Variants in VPS37C observed in about 807,000 individuals in gnomAD.
VPS37C encodes vacuolar protein sorting-associated protein 37C.
In VPS37C, 9 loss-of-function variants were observed where a neutral mutation model predicts 16.1. The observed-to-expected ratio is 0.56, with a 90% CI of 0.34 to 0.97. The LOEUF (loss-of-function observed/expected upper bound fraction) is 0.97, where lower values mean the gene tolerates loss of function less well. VPS37C is among the 50% of genes least tolerant of loss of function. The pLI, the probability that VPS37C is intolerant of heterozygous loss-of-function variation, is 0.02. For missense variants in VPS37C, 479 were observed against 472.7 expected, an observed-to-expected ratio of 1.01 and a Z score of -0.12; for synonymous variants, 207 against 206.4, an observed-to-expected ratio of 1.00 and a Z score of -0.02.
chr11:61,138,799 C>T lies in VPS37C; in HGVS notation c.31G>A (p.Glu11Lys), dbSNP rs1483186144. Residue 11 changes from glutamate to lysine, a missense_variant, in exon 2 of 5, where the codon GAG becomes AAG. Coordinates refer to ENST00000301765, the MANE Select transcript of VPS37C (RefSeq NM_017966.5). ...GAGTCATTCTGCAACTCCTCCAGCT[C>T]CTGCAGGGTCTTATCCTTCAGCGTC... METLKDKTLQELEELQNDSEA... is the reference protein window; with the variant it reads METLKDKTLQKLEELQNDSEA... 1 of 1,614,006 alleles carries T rather than the reference C, an allele frequency of 6.2e-7. No individual in the cohort carries two copies. The highest frequency in any genetic ancestry group is 1.3e-5 in the African/African-American group (1 of 74,880).
chr11:61,139,874 C>T lies in VPS37C; in HGVS notation c.-6-1039G>A, dbSNP rs61898086. On this transcript the variant is annotated intron_variant, in intron 1 of 4. Coordinates refer to ENST00000301765, the MANE Select transcript of VPS37C (RefSeq NM_017966.5). The stretch of plus-strand genomic sequence containing the variant: ...TCCTCCCACCTCAACCTCCCGATAG[C>T]TGGCACTATAGGTGTGCGTTACCAC... 3.5e-3 allele frequency among the ~76,000 whole-genome samples: 534 copies of T among 151,810 alleles called. 2 individuals are homozygous for T. Among genetic ancestry groups the T allele is most frequent in the Middle Eastern group, 6.8e-3 (2 of 294 alleles).
intron 1 of VPS37C, among the ~76,000 whole-genome samples, chr11:61,151,848 T>C (rs1853302930): frequency 6.6e-6 from 1 of 152,098 alleles, no homozygotes; most frequent in African/African-American, 2.4e-5. Context: ...AGGTAGCCGG[T>C]TTTTGAAACT....
chr11:61,141,435 T>C (rs896298509), intron 1 of VPS37C, among the ~76,000 whole-genome samples: 1 of 151,172 alleles, frequency 6.6e-6, no homozygotes, highest in African/African-American at 2.4e-5. Context: ...AGCCTGCAGA[T>C]GGCCTGGGCT....
chr11:61,136,327 C>T lies in VPS37C; in HGVS notation c.94-2120G>A, dbSNP rs188966744. Among the ~76,000 whole-genome samples the T allele has an allele frequency of 7.4e-4, 112 of 152,148 alleles. 2 individuals are homozygous for T. The highest frequency in any genetic ancestry group is 6.5e-4 in the Non-Finnish European group (44 of 67,996). ...TAGCTGGGACTACAGGCACGTGCCACCACGCCTGGCTAATTTTTGTATTTT... is the reference window on the plus strand; with the variant it reads ...TAGCTGGGACTACAGGCACGTGCCATCACGCCTGGCTAATTTTTGTATTTT... On this transcript the variant is annotated intron_variant, in intron 2 of 4. Transcript: ENST00000301765.
At chr11:61,161,040 T>A (rs1042577170) in intron 1 of VPS37C, 1 of 152,428 alleles carries the variant, frequency 6.6e-6, no homozygotes, top group African/African-American at 2.4e-5. Context: ...ATGGGCTAAT[T>A]GGCTCTAATG....
rs760125249 is a variant in VPS37C at position 61,133,257 on chromosome 11, C to T, written c.346G>A (p.Glu116Lys). The change falls in exon 4 of 5, where the codon GAG (glutamate) becomes AAG (lysine). Residue 116 changes from glutamate to lysine, a missense_variant and splice_region_variant. By Grantham distance (56) the Glu-to-Lys change is moderately conservative. Transcript: ENST00000301765. ...GGGGTGTCGCCTCGCCCTCTCACCT[C>T]GGACTCTTCTTCGATCTTCATGCCT... is the stretch of plus-strand genomic sequence containing the variant. ...VEGMKIEEES[E>K]AMAEKFLEGE... is the part of the protein sequence containing the mutation. 20 of 1,613,984 alleles carry T rather than the reference C, an allele frequency of 1.2e-5. No homozygotes were observed. The highest frequency in any genetic ancestry group is 1.6e-4 in the Middle Eastern group (1 of 6,084).
chr11:61,148,422 T>C (rs1193032027), intron 1 of VPS37C, among the ~76,000 whole-genome samples: 1 of 152,198 alleles, frequency 6.6e-6, no homozygotes, highest in Non-Finnish European at 1.5e-5. Flanking sequence ...TTACCCCGTA[T>C]GTCAGAAACA....
At chr11:61,151,681 C>A (rs1853300759) in intron 1 of VPS37C, among the ~76,000 whole-genome samples, 1 of 152,186 alleles carries the variant, frequency 6.6e-6, no homozygotes, top group Admixed American at 6.5e-5. Flanking sequence ...ACTTCTGCAA[C>A]TCAAGCACTT....
intron 1 of VPS37C, among the ~76,000 whole-genome samples, chr11:61,141,228 CG>C (rs1861467767): frequency 6.6e-6 from 1 of 151,910 alleles, no homozygotes; most frequent in South Asian, 2.1e-4. Context: ...ATTAGCCCGG[CG>C]TGGTGGCACA....
intron 1 of VPS37C, among the ~76,000 whole-genome samples, chr11:61,147,884 G>C (rs957641149): frequency 1.3e-5 from 2 of 152,180 alleles, no homozygotes; most frequent in African/African-American, 2.4e-5. Context: ...TGCAGACATG[G>C]AATTTGAAAA....
intron 1 of VPS37C, among the ~76,000 whole-genome samples, chr11:61,153,253 T>G (rs1382659220): frequency 6.6e-6 from 1 of 152,182 alleles, no homozygotes; most frequent in Non-Finnish European, 1.5e-5. Flanking sequence ...TGAGGTCTCA[T>G]GAGCTATGAT....
At chr11:61,136,160 CA>C (rs1232837361) in intron 2 of VPS37C, among the ~76,000 whole-genome samples, 19 of 130,674 alleles carry the variant, frequency 1.5e-4, no homozygotes, top group African/African-American at 3.5e-4. Flanking sequence ...CTTAATTACA[CA>C]TTTTTTTTTT....
At position 61,148,230 on chromosome 11, in the gene VPS37C, G is replaced by A. The variant is rs376552571; in HGVS notation, c.-6-9395C>T. 1.0e-3 allele frequency among the ~76,000 whole-genome samples: 159 copies of A among 152,126 alleles called. 1 individual carries two copies. The highest frequency in any genetic ancestry group is 2.6e-3 in the African/African-American group (107 of 41,480). On this transcript the variant is annotated intron_variant, in intron 1 of 4. Transcript: ENST00000301765. ...AAGCACGGCTCCCAGCACTCCCCTC[G>A]CCTTACCAGACAACACTTACTTGCC...
chr11:61,138,278 C>G (rs968787301), intron 2 of VPS37C: 2 of 161,338 alleles, frequency 1.2e-5, no homozygotes, highest in Admixed American at 1.2e-4. Context: ...CTCAAGGAGT[C>G]TGTGATTAAG....
intron 1 of VPS37C, among the ~76,000 whole-genome samples, chr11:61,141,367 CAA>C (rs1242030018): frequency 2.4e-5 from 3 of 126,364 alleles, no homozygotes; most frequent in Non-Finnish European, 1.7e-5. Context: ...GACTCGGTCT[CAA>C]AAAAAAAAAA....
At chr11:61,132,703 A>C in intron 4 of VPS37C, 164 bp from the exon 5 acceptor site, 1 of 890,720 alleles carries the variant, frequency 1.1e-6, no homozygotes, top group Admixed American at 3.0e-5. Flanking sequence ...CATATGGTAC[A>C]TGCACTGTCT....
Position 61,131,872 on chromosome 11 carries a change from G to A in VPS37C, c.1016C>T (p.Ala339Val), listed in dbSNP as rs557719073. 3.0e-5 allele frequency: 38 copies of A among 1,266,986 alleles called. No individual in the cohort carries two copies. In the South Asian group the frequency reaches 3.9e-4, roughly 13 times the overall value. The allele number at this position is 1,266,986 out of a possible 1,614,324, so 78.5% of individuals were successfully genotyped here. The part of the protein sequence containing the change: ...PLQPPYPPGP[A>V]PPYGFPPPPG... The stretch of plus-strand genomic sequence containing the variant: ...CGGTGGTGGGAACCCATAGGGAGGG[G>A]CGGGCCCGGGGGGATAAGGGGGCTG... Residue 339 changes from alanine to valine, a missense_variant, in exon 5 of 5, where the codon GCC becomes GTC. Ala to Val is a moderately conservative substitution (Grantham distance 64). Coordinates refer to ENST00000301765, the MANE Select transcript of VPS37C (RefSeq NM_017966.5).
At chr11:61,143,551 G>A (rs1459482372) in intron 1 of VPS37C, 5 of 151,666 alleles carry the variant, frequency 3.3e-5, no homozygotes, top group Non-Finnish European at 7.4e-5. Flanking sequence ...TGTATTTTTA[G>A]TAGAGATGGG....
chr11:61,133,120 A>T (rs940413557), intron 4 of VPS37C, 135 bp downstream of exon 4: 1 of 956,920 alleles, frequency 1.0e-6, no homozygotes, highest in Non-Finnish European at 1.6e-6. Context: ...AGGACTAAAG[A>T]TGTCCTTCAC....
Sources: allele counts gnomAD v4.1 joint callset (sites outside exome capture counted in the v4.1 genomes callset), GRCh38; gene constraint gnomAD v4.1.1; transcripts MANE v1.5; gene names NCBI Gene and HGNC (gene_info 2026-07-23, HGNC 2026-07-21).